The following ROBO2 variants were observed in gnomAD, a reference collection of about 807,000 sequenced individuals.
ROBO2 encodes roundabout guidance receptor 2.
In ROBO2, 53 loss-of-function variants were observed where a neutral mutation model predicts 160.8. The observed-to-expected ratio is 0.33, with a 90% CI of 0.26 to 0.41. The LOEUF (loss-of-function observed/expected upper bound fraction) is 0.41. Ranked by LOEUF, ROBO2 falls within the 10% of genes least tolerant of loss-of-function variation. The probability of loss-of-function intolerance (pLI) is 1.00; values close to 1 mark genes in which losing one functional copy is unlikely to be tolerated. For missense variants in ROBO2, 1,577 were observed against 1,722.4 expected (o/e 0.92, Z 1.49); for synonymous variants, 664 against 611.7 (o/e 1.09, Z -1.26).
chr3:75,985,204 C>A lies in ROBO2; in HGVS notation c.109+47602C>A, dbSNP rs565989661. 9.9e-5 allele frequency among the ~76,000 whole-genome samples: 15 copies of A among 151,598 alleles called. 1 individual carries two copies. In the South Asian group the frequency reaches 3.1e-3, roughly 31 times the overall value. On this transcript the variant is annotated intron_variant, in intron 2 of 26. Transcript: ENST00000487694. Reference sequence around the variant, plus strand: ...GCTCCACCTAGCAAACTTTCCTACTCATTTTATTATCATGGTTCTCACCTG... The same window carrying A: ...GCTCCACCTAGCAAACTTTCCTACTAATTTTATTATCATGGTTCTCACCTG...
intron 2 of ROBO2, among the ~76,000 whole-genome samples, chr3:76,276,573 T>A (rs1469505594): frequency 1.3e-5 from 2 of 152,098 alleles, no homozygotes; most frequent in Admixed American, 6.6e-5. Flanking sequence ...ATTCATTTGT[T>A]TAAAACTACT....
At chr3:76,916,215 A>G (rs1055734335) in intron 2 of ROBO2, among the ~76,000 whole-genome samples, 2 of 152,362 alleles carry the variant, frequency 1.3e-5, no homozygotes, top group East Asian at 3.9e-4. Context: ...ACATTTGGAC[A>G]TGAACTACAT....
chr3:77,507,727 G>A lies in ROBO2; in HGVS notation c.806+14345G>A, dbSNP rs554235449. Among the ~76,000 whole-genome samples the A allele has an allele frequency of 3.3e-5, 5 of 152,226 alleles. 1 individual carries two copies. The South Asian group carries it at 1.0e-3, about 32-fold the overall frequency. On this transcript the variant is annotated intron_variant, in intron 5 of 25. Transcript: ENST00000461745. ...TAAAACAATTATTTCTAAATGAAAGGATAACTTAACTTGCTTCCACAACTT... is the reference window on the plus strand; with the variant it reads ...TAAAACAATTATTTCTAAATGAAAGAATAACTTAACTTGCTTCCACAACTT...
Position 77,164,515 on chromosome 3 carries a change from G to A in ROBO2, c.388+66175G>A, listed in dbSNP as rs1312636308. Among the ~76,000 whole-genome samples, 59 of 136,574 alleles carry A rather than the reference G, an allele frequency of 4.3e-4. 1 individual carries two copies. The highest frequency in any genetic ancestry group is 1.6e-3 in the African/African-American group (56 of 35,240). 89.6% of individuals were successfully genotyped at this position (136,574 alleles called of 152,430 possible). Reference sequence around the variant, plus strand: ...GGGTCAGCCCCCCGCCCGGCCAGCCGTGCTGTCCGGGAGGGAGGTGGGGGG... The same window carrying A: ...GGGTCAGCCCCCCGCCCGGCCAGCCATGCTGTCCGGGAGGGAGGTGGGGGG... On this transcript the variant is annotated intron_variant, in intron 2 of 25. Coordinates refer to ENST00000461745, the Ensembl canonical transcript of ROBO2.
chr3:77,200,306 TATATATA>T (rs2082759547), intron 2 of ROBO2, among the ~76,000 whole-genome samples: 1 of 84,532 alleles, frequency 1.2e-5, no homozygotes, highest in Non-Finnish European at 2.2e-5. Context: ...TATATATATA[TATATATA>T]TATATATATT....
intron 2 of ROBO2, among the ~76,000 whole-genome samples, chr3:77,208,364 A>G (rs1014377496): frequency 2.7e-4 from 41 of 152,248 alleles, no homozygotes; most frequent in African/African-American, 9.9e-4. Context: ...ACATAGATAC[A>G]TCATAAATTG....
intron 5 of ROBO2, among the ~76,000 whole-genome samples, chr3:77,502,291 A>C (rs550032288): frequency 6.6e-6 from 1 of 152,248 alleles, no homozygotes; most frequent in African/African-American, 2.4e-5. Flanking sequence ...TTTTTATCAT[A>C]TAGTCACAGA....
intron 16 of ROBO2, among the ~76,000 whole-genome samples, chr3:77,583,139 G>C (rs1583094042): frequency 1.7e-5 from 2 of 119,284 alleles, no homozygotes; most frequent in Non-Finnish European, 3.2e-5. Context: ...CACTGAGCGA[G>C]ACTCTGTCTC....
At chr3:76,071,789 G>T (rs975615464) in intron 2 of ROBO2, among the ~76,000 whole-genome samples, 1 of 151,690 alleles carries the variant, frequency 6.6e-6, no homozygotes, top group Non-Finnish European at 1.5e-5. Context: ...ATTTTTTAAT[G>T]ATTATAATCT....
At chr3:76,350,581 T>G (rs1392980971) in intron 2 of ROBO2, among the ~76,000 whole-genome samples, 1 of 152,036 alleles carries the variant, frequency 6.6e-6, no homozygotes, top group African/African-American at 2.4e-5. Context: ...TAAATACCAA[T>G]GTTAAAAATA....
intron 2 of ROBO2, among the ~76,000 whole-genome samples, chr3:77,172,620 A>T (rs2079749269): frequency 6.6e-6 from 1 of 152,136 alleles, no homozygotes; most frequent in African/African-American, 2.4e-5. Flanking sequence ...ATCTTGAATC[A>T]ATATATAGAC....
chr3:75,955,638 A>AT (rs111743044), intron 2 of ROBO2, among the ~76,000 whole-genome samples: 12 of 151,424 alleles, frequency 7.9e-5, no homozygotes, highest in African/African-American at 2.4e-4. Flanking sequence ...TATAATAATA[A>AT]AAAAAAAGAT....
chr3:76,947,124 G>T (rs1035604463), intron 2 of ROBO2, among the ~76,000 whole-genome samples: 4 of 151,970 alleles, frequency 2.6e-5, no homozygotes, highest in African/African-American at 9.7e-5. Flanking sequence ...TCTTTTACAT[G>T]TACATTCATG....
chr3:75,994,459 T>A (rs1437419870), intron 2 of ROBO2, among the ~76,000 whole-genome samples: 2 of 152,164 alleles, frequency 1.3e-5, no homozygotes, highest in African/African-American at 4.8e-5. Context: ...CTCATGATAA[T>A]GAGTGAGTTC....
chr3:76,038,748 G>T (rs1463033374), intron 2 of ROBO2, among the ~76,000 whole-genome samples: 1 of 150,178 alleles, frequency 6.7e-6, no homozygotes, highest in East Asian at 2.0e-4. Context: ...GAACCCAACT[G>T]GTAGCACATG....
rs1239560112 is a variant in ROBO2, at chr3:77,216,656, T to C, written c.388+118316T>C. Among the ~76,000 whole-genome samples the C allele has an allele frequency of 2.0e-5, 3 of 152,212 alleles. No individual in the cohort carries two copies. The East Asian group carries it at 5.8e-4, about 29-fold the overall frequency. ...GTTGGAAATGCAGAAATCACTCGTC[T>C]TCTGCGTCACTCATGCTCAGAGCTG... On this transcript the variant is annotated intron_variant, in intron 2 of 25. Transcript: ENST00000461745.
chr3:76,917,595 T>C (rs554500630), intron 2 of ROBO2, among the ~76,000 whole-genome samples: 1 of 152,324 alleles, frequency 6.6e-6, no homozygotes, highest in East Asian at 1.9e-4. Flanking sequence ...TTTTGGATTC[T>C]ATAACAATTT....
intron 2 of ROBO2, among the ~76,000 whole-genome samples, chr3:76,085,660 C>G (rs1226013885): frequency 6.6e-6 from 1 of 152,106 alleles, no homozygotes; most frequent in African/African-American, 2.4e-5. Flanking sequence ...TGGAGAGAGA[C>G]ACAGGCAGAT....
At chr3:77,147,760 A>C (rs1469098602) in intron 2 of ROBO2, among the ~76,000 whole-genome samples, 2 of 152,184 alleles carry the variant, frequency 1.3e-5, no homozygotes, top group African/African-American at 4.8e-5. Context: ...CAAAAGTTAC[A>C]CAGGCAGATA....
Sources: allele counts gnomAD v4.1 joint callset (sites outside exome capture counted in the v4.1 genomes callset), GRCh38; gene constraint gnomAD v4.1.1; transcripts MANE v1.5; gene names NCBI Gene and HGNC (gene_info 2026-07-23, HGNC 2026-07-21).